Variants in FAM20C observed in about 807,000 individuals in gnomAD.
FAM20C encodes extracellular serine/threonine protein kinase FAM20C.
In FAM20C, 40 loss-of-function variants were observed where a neutral mutation model predicts 51.5. The ratio of observed to expected loss-of-function variants is 0.78; its 90% CI spans 0.60 to 1.01. The LOEUF (loss-of-function observed/expected upper bound fraction) is 1.01, where lower values mean the gene tolerates loss of function less well. Ranked by LOEUF, FAM20C falls within the 50% of genes least tolerant of loss-of-function variation. The pLI is 0.00. For missense variants in FAM20C, 861 were observed against 844.7 expected (o/e 1.02, Z -0.24); for synonymous variants, 406 against 380.6 (o/e 1.07, Z -0.78).
intron 2 of FAM20C, among the ~76,000 whole-genome samples, chr7:198,863 G>A (rs370760944): frequency 8.5e-5 from 13 of 152,366 alleles, no homozygotes; most frequent in African/African-American, 2.6e-4. Flanking sequence ...AGCCAGGGCT[G>A]GGCAGGTGCC....
At chr7:228,798 C>A (rs1226441532) in intron 3 of FAM20C, 2 of 456,078 alleles carry the variant, frequency 4.4e-6, no homozygotes, top group Non-Finnish European at 8.8e-6. Context: ...CTGCTGACGG[C>A]ATGAGTGGGG....
intron 3 of FAM20C, among the ~76,000 whole-genome samples, chr7:220,008 G>A (rs1428867553): frequency 1.3e-5 from 2 of 152,130 alleles, no homozygotes; most frequent in African/African-American, 4.8e-5. Flanking sequence ...GGTGTGGGCC[G>A]GCCTCCAAGC....
At chr7:225,614 G>C (rs1473825694) in intron 3 of FAM20C, among the ~76,000 whole-genome samples, 1 of 7,870 alleles carries the variant, frequency 1.3e-4, no homozygotes, top group South Asian at 4.2e-3. Context: ...GAATGGCACC[G>C]TCACGGGGGT....
intron 3 of FAM20C, among the ~76,000 whole-genome samples, chr7:222,652 G>A (rs1336591533): frequency 6.6e-6 from 1 of 152,162 alleles, no homozygotes; most frequent in Non-Finnish European, 1.5e-5. Flanking sequence ...GGGGCCCTGA[G>A]GTGCCAACCA....
At chr7:253,312 G>A (rs145083161) in intron 5 of FAM20C, among the ~76,000 whole-genome samples, 6,962 of 152,286 alleles carry the variant, frequency 0.046, 198 homozygotes, top group Non-Finnish European at 0.07. Context: ...CACAGTCAGC[G>A]AAAGGAATGG....
chr7:227,497 C>T (rs1036660762), intron 3 of FAM20C: 2 of 151,906 alleles, frequency 1.3e-5, no homozygotes, highest in African/African-American at 2.4e-5. Flanking sequence ...TAGGGCTCCA[C>T]GGAGGAAAAA....
rs1023672778 is a variant in FAM20C, at chr7:260,081, C to T, written c.*101C>T. The T allele has an allele frequency of 3.1e-5, 43 of 1,388,164 alleles. No homozygotes were observed. The highest frequency in any genetic ancestry group is 2.3e-4 in the Admixed American group (8 of 35,266). The allele number at this position is 1,388,164 out of a possible 1,614,324, so 86.0% of individuals were successfully genotyped here. On this transcript the variant is annotated 3_prime_UTR_variant, in exon 10 of 10. Transcript: ENST00000313766. ...GAATTCAGTGAATTCAGAGGCAGGACGGGATCATCCGGAGTCGGGAGCTGC... is the reference window on the plus strand; with the variant it reads ...GAATTCAGTGAATTCAGAGGCAGGATGGGATCATCCGGAGTCGGGAGCTGC...
chr7:219,048 C>T (rs1271933730), intron 3 of FAM20C, among the ~76,000 whole-genome samples: 3 of 152,188 alleles, frequency 2.0e-5, no homozygotes, highest in African/African-American at 7.2e-5. Flanking sequence ...GAGGGTTCCC[C>T]AGTGCTCCCC....
intron 3 of FAM20C, among the ~76,000 whole-genome samples, chr7:245,605 C>T (rs1212774067): frequency 6.6e-6 from 1 of 152,248 alleles, no homozygotes; most frequent in Non-Finnish European, 1.5e-5. Flanking sequence ...TACACGCTTA[C>T]ACGCTTACGC....
chr7:210,064 C>A (rs1786634471), intron 3 of FAM20C, among the ~76,000 whole-genome samples: 1 of 152,184 alleles, frequency 6.6e-6, no homozygotes, highest in South Asian at 2.1e-4. Context: ...CCGAGGGCAT[C>A]CCCGCTCACA....
intron 2 of FAM20C, among the ~76,000 whole-genome samples, chr7:206,867 T>C (rs371218785): frequency 4.4e-5 from 2 of 45,656 alleles, no homozygotes; most frequent in Non-Finnish European, 7.4e-5. Context: ...TCGGTCACGG[T>C]CCCCTCGGCC....
At chr7:253,653 C>G (rs999011479) in intron 5 of FAM20C, among the ~76,000 whole-genome samples, 14 of 152,220 alleles carry the variant, frequency 9.2e-5, no homozygotes, top group African/African-American at 2.4e-5. Flanking sequence ...CTGGGACCCC[C>G]GCTTCCCGGG....
intron 3 of FAM20C, among the ~76,000 whole-genome samples, chr7:210,974 G>A (rs935990297): frequency 4.6e-5 from 7 of 152,104 alleles, no homozygotes; most frequent in African/African-American, 1.2e-4. Flanking sequence ...ACATAGCCCT[G>A]TGAGTTATAG....
chr7:213,323 C>T (rs1174334108), intron 3 of FAM20C, among the ~76,000 whole-genome samples: 1 of 150,778 alleles, frequency 6.6e-6, no homozygotes, highest in Non-Finnish European at 1.5e-5. Context: ...GTGAGTGACA[C>T]GTTTCCAAGG....
chr7:201,496 C>T (rs1233776013), intron 2 of FAM20C, among the ~76,000 whole-genome samples: 5 of 152,172 alleles, frequency 3.3e-5, no homozygotes, highest in African/African-American at 9.7e-5. Flanking sequence ...GGTGTTGGGA[C>T]CCCCAGGCCC....
rs941092849 is a variant in FAM20C at position 233,063 on chromosome 7, C to T, written c.864-13352C>T. ...AGGCCTGAGTCAGACTCCTGGTTCC[C>T]GTCCAAGCTGTGCCATGTTCTGGCC... On this transcript the variant is annotated intron_variant, in intron 3 of 9. Transcript: ENST00000313766. 1.1e-4 allele frequency among the ~76,000 whole-genome samples: 17 copies of T among 152,336 alleles called. No individual in the cohort carries two copies. In the East Asian group the frequency reaches 1.9e-3, roughly 17 times the overall value.
intron 5 of FAM20C, among the ~76,000 whole-genome samples, chr7:254,729 A>T (rs1788523454): frequency 6.6e-6 from 1 of 152,186 alleles, no homozygotes; most frequent in African/African-American, 2.4e-5. Flanking sequence ...CCCAAAAAGG[A>T]GCCCCGTACC....
chr7:259,702 G>T, intron 9 of FAM20C, 29 bp from the exon 10 acceptor site: 1 of 1,521,034 alleles, frequency 6.6e-7, no homozygotes, highest in African/African-American at 1.4e-5. Context: ...CCTGTCCCGT[G>T]CCAGGCCTGA....
At chr7:211,536 C>T (rs1202264993) in intron 3 of FAM20C, among the ~76,000 whole-genome samples, 12 of 151,982 alleles carry the variant, frequency 7.9e-5, no homozygotes, top group Admixed American at 2.0e-4. Context: ...GGTCCTGCAG[C>T]GGGCAGAGGT....
Sources: allele counts gnomAD v4.1 joint callset (sites outside exome capture counted in the v4.1 genomes callset), GRCh38; gene constraint gnomAD v4.1.1; transcripts MANE v1.5; gene names NCBI Gene and HGNC (gene_info 2026-07-23, HGNC 2026-07-21).